The following ZNHIT6 variants were observed in gnomAD, a reference collection of about 807,000 sequenced individuals.
ZNHIT6 encodes the protein box C/D snoRNA protein 1.
A neutral mutation model predicts 57.2 loss-of-function variants in ZNHIT6; 45 were observed. The observed-to-expected ratio is 0.79, with a 90% CI of 0.62 to 1.01. The LOEUF (loss-of-function observed/expected upper bound fraction) is 1.01, where lower values mean the gene tolerates loss of function less well. ZNHIT6 is among the 50% of genes least tolerant of loss of function. ZNHIT6 has a pLI of 0.00. For synonymous variants in ZNHIT6, 188 were observed against 190.0 expected (o/e 0.99, Z 0.09); for missense variants, 528 against 567.3 (o/e 0.93, Z 0.70).
intron 7 of ZNHIT6, 151 bp from the exon 8 acceptor site, chr1:85,677,464 T>C (rs1661736214): frequency 1.8e-6 from 1 of 550,744 alleles, no homozygotes. Context: ...TAACCAGAAA[T>C]CTGAAAAGAA....
chr1:85,657,959 T>C lies in ZNHIT6; in HGVS notation c.1260A>G (p.Leu420=). Residue 420 remains leucine, a synonymous_variant, in exon 9 of 10, where the codon CTA becomes CTG. Coordinates refer to ENST00000370574, the MANE Select transcript of ZNHIT6 (RefSeq NM_017953.4). The part of the protein sequence containing the change: ...MQQNLVRYYE[L]DPYKSLLDNL... ...TGTCTAGGAGACTTTTATAAGGATC[T>C]AGTTCATAATATCTTATTAATAAAA... 2.0e-6 allele frequency: 3 copies of C among 1,502,264 alleles called. No homozygotes were observed. The highest frequency in any genetic ancestry group is 2.7e-6 in the Non-Finnish European group (3 of 1,103,406). The allele number at this position is 1,502,264 out of a possible 1,614,324, so 93.1% of individuals were successfully genotyped here. A position where few individuals can be genotyped will look rare whatever the true frequency, so the allele number is the denominator to read the frequency against.
intron 1 of ZNHIT6, among the ~76,000 whole-genome samples, chr1:85,707,417 T>C (rs1775986): frequency 0.91 from 137,927 of 152,202 alleles, 63,123 homozygotes; most frequent in Non-Finnish European, 0.97. Context: ...TGGACACTAC[T>C]AATTTCATGT....
chr1:85,663,462 T>C (rs1029760535), intron 8 of ZNHIT6, among the ~76,000 whole-genome samples: 1 of 152,212 alleles, frequency 6.6e-6, no homozygotes, highest in Non-Finnish European at 1.5e-5. Context: ...TTATTAGAAT[T>C]AATGCATGTG....
At chr1:85,660,267 T>G (rs1395947579) in intron 8 of ZNHIT6, among the ~76,000 whole-genome samples, 1 of 152,190 alleles carries the variant, frequency 6.6e-6, no homozygotes, top group Non-Finnish European at 1.5e-5. Flanking sequence ...ACTTTTCAAG[T>G]GGCATCCTAC....
chr1:85,682,275 C>T (rs971859679), intron 5 of ZNHIT6, among the ~76,000 whole-genome samples: 11 of 150,854 alleles, frequency 7.3e-5, no homozygotes, highest in Non-Finnish European at 1.5e-4. Flanking sequence ...CCACCTGGCT[C>T]GGCCTCCCAA....
rs541724700 is a variant in ZNHIT6 at position 85,677,031 on chromosome 1, G to A, written c.1247+205C>T. The stretch of plus-strand genomic sequence containing the variant: ...TTCTATTTCCCCTATATCAGTTGAC[G>A]GAAAATAAAATATTCTAACCAGGGT... On this transcript the variant is annotated intron_variant, in intron 8 of 9. Coordinates refer to ENST00000370574, the MANE Select transcript of ZNHIT6 (RefSeq NM_017953.4). 6.6e-5 allele frequency among the ~76,000 whole-genome samples: 10 copies of A among 152,042 alleles called. No homozygotes were observed. In the South Asian group the frequency reaches 1.5e-3, roughly 22 times the overall value.
intron 6 of ZNHIT6, among the ~76,000 whole-genome samples, chr1:85,679,515 T>C (rs1471017680): frequency 6.6e-6 from 1 of 151,148 alleles, no homozygotes; most frequent in Non-Finnish European, 1.5e-5. Context: ...AGAGCAACTT[T>C]AAAATTTTCC....
At chr1:85,676,799 C>A (rs1302029745) in intron 8 of ZNHIT6, among the ~76,000 whole-genome samples, 1 of 152,138 alleles carries the variant, frequency 6.6e-6, no homozygotes, top group African/African-American at 2.4e-5. Flanking sequence ...AGATATAGTG[C>A]TAACGAAAAA....
chr1:85,684,417 T>A (rs1214939632), intron 5 of ZNHIT6, among the ~76,000 whole-genome samples: 1 of 152,158 alleles, frequency 6.6e-6, no homozygotes, highest in Non-Finnish European at 1.5e-5. Flanking sequence ...GGGCAAAAAC[T>A]GGTTCTCTGA....
chr1:85,659,890 GCAGAATATTCTTTATGTTGAA>G (rs908799396), intron 8 of ZNHIT6, among the ~76,000 whole-genome samples: 47 of 152,270 alleles, frequency 3.1e-4, no homozygotes, highest in African/African-American at 1.1e-3. Context: ...TTTTAAAATT[GCAGAATATTCTTTATGTTGAA>G]AAGAAACTTG....
At chr1:85,696,613 T>G (rs536690002) in intron 5 of ZNHIT6, among the ~76,000 whole-genome samples, 1 of 152,118 alleles carries the variant, frequency 6.6e-6, no homozygotes, top group South Asian at 2.1e-4. Flanking sequence ...TAGGCTAAAT[T>G]CCTTGAGTAC....
At chr1:85,682,801 C>T (rs1234801322) in intron 5 of ZNHIT6, among the ~76,000 whole-genome samples, 2 of 152,150 alleles carry the variant, frequency 1.3e-5, no homozygotes, top group East Asian at 3.9e-4. Flanking sequence ...TTACAAATTG[C>T]CGTATTTTTG....
At chr1:85,665,501 T>G (rs547237831) in intron 8 of ZNHIT6, among the ~76,000 whole-genome samples, 21 of 152,224 alleles carry the variant, frequency 1.4e-4, no homozygotes, top group Non-Finnish European at 2.8e-4. Flanking sequence ...ATCCATCACC[T>G]TACATAGCAT....
intron 5 of ZNHIT6, among the ~76,000 whole-genome samples, chr1:85,701,091 A>G (rs1287683507): frequency 6.6e-6 from 1 of 152,266 alleles, no homozygotes; most frequent in African/African-American, 2.4e-5. Context: ...ACAACCAGGA[A>G]AAACGAAAAA....
At chr1:85,703,385 A>G (rs1662590686) in intron 4 of ZNHIT6, among the ~76,000 whole-genome samples, 1 of 152,214 alleles carries the variant, frequency 6.6e-6, no homozygotes. Flanking sequence ...TCAGATAACA[A>G]GTTTCAGTAA....
At chr1:85,707,606 A>C in intron 1 of ZNHIT6, 23 bp downstream of exon 1, 1 of 1,528,388 alleles carries the variant, frequency 6.5e-7, no homozygotes, top group Non-Finnish European at 8.7e-7. Flanking sequence ...TTATTCCCCT[A>C]AATGGAATCC....
At chr1:85,691,275 T>C (rs1662211500) in intron 5 of ZNHIT6, among the ~76,000 whole-genome samples, 1 of 152,252 alleles carries the variant, frequency 6.6e-6, no homozygotes, top group African/African-American at 2.4e-5. Context: ...ATATTAACTA[T>C]ATTGTGATTC....
intron 8 of ZNHIT6, among the ~76,000 whole-genome samples, chr1:85,672,312 T>C (rs1427154628): frequency 6.6e-6 from 1 of 152,150 alleles, no homozygotes; most frequent in East Asian, 1.9e-4. Flanking sequence ...TTTTTACAGT[T>C]TTCTACTGCC....
Position 85,707,865 on chromosome 1 carries a change from C to A in ZNHIT6, c.420G>T (p.Glu140Asp), listed in dbSNP as rs1662735980. 2 of 1,613,986 alleles carry A rather than the reference C, an allele frequency of 1.2e-6. No individual in the cohort carries two copies. The highest frequency in any genetic ancestry group is 2.7e-5 in the African/African-American group (2 of 74,892). ...AGTCCATTACCTCTTCCTTTACCTTCTCTTCCTTTACCTCTGGTTCACCCA... is the reference window on the plus strand; with the variant it reads ...AGTCCATTACCTCTTCCTTTACCTTATCTTCCTTTACCTCTGGTTCACCCA... ...AKVGEPEVKE[E>D]KVKEEVMDWS... Residue 140 changes from glutamate to aspartate, a missense_variant, in exon 1 of 10, where the codon GAG (glutamate) becomes GAT (aspartate). Coordinates refer to ENST00000370574, the MANE Select transcript of ZNHIT6 (RefSeq NM_017953.4).
Sources: gnomAD v4.1 joint callset for allele counts (sites outside exome capture counted in the v4.1 genomes callset) on GRCh38, gnomAD v4.1.1 for gene constraint, MANE v1.5 for transcripts, NCBI Gene and HGNC (gene_info 2026-07-23, HGNC 2026-07-21) for gene names.